Variants in DPRX observed in about 807,000 individuals in gnomAD.
DPRX encodes the protein divergent paired-related homeobox.
In DPRX, 11 loss-of-function variants were observed where a neutral mutation model predicts 8.4. That is an observed-to-expected ratio of 1.31 (90% CI 0.82 to 2.17). DPRX has a LOEUF of 2.17. Ranked by LOEUF, DPRX falls within the 30% of genes most tolerant of loss-of-function variation. The pLI is 0.00. For synonymous variants in DPRX, 72 were observed against 87.0 expected, an observed-to-expected ratio of 0.83 and a Z score of 0.96; for missense variants, 211 against 236.7, an observed-to-expected ratio of 0.89 and a Z score of 0.71.
At chr19:53,611,488 C>T in the DPRX span, among the ~76,000 whole-genome samples, 3 of 152,082 alleles carry the variant, frequency 2.0e-5, no homozygotes, top group Non-Finnish European at 4.4e-5. Flanking sequence ...CCGCCTCAGC[C>T]TCCCAAAGTT....
the DPRX span, among the ~76,000 whole-genome samples, chr19:53,616,015 C>G: frequency 5.3e-5 from 8 of 151,738 alleles, no homozygotes; most frequent in African/African-American, 1.4e-4. Context: ...CACTTTGGGA[C>G]GCCGAGGCGG....
chr19:53,616,760 A>G, the DPRX span: 6 of 1,490,178 alleles, frequency 4.0e-6, no homozygotes, highest in East Asian at 2.3e-5. Flanking sequence ...GTCTCAAAAA[A>G]TAAGAAAAAA....
At chr19:53,603,330 G>T in the DPRX span, 1 of 455,716 alleles carries the variant, frequency 2.2e-6, no homozygotes, top group Non-Finnish European at 4.4e-6. Flanking sequence ...AAAACACCCC[G>T]CGGAGAAACG....
the DPRX span, among the ~76,000 whole-genome samples, chr19:53,626,759 C>T: frequency 6.6e-6 from 1 of 152,098 alleles, no homozygotes; most frequent in South Asian, 2.1e-4. Context: ...GGTGCAGTGG[C>T]GTCATCTTGG....
chr19:53,626,419 T>A, the DPRX span, among the ~76,000 whole-genome samples: 1 of 152,164 alleles, frequency 6.6e-6, no homozygotes, highest in East Asian at 1.9e-4. Context: ...TAATTAGCTG[T>A]GCATGGTGGC....
At chr19:53,607,252 C>A in the DPRX span, among the ~76,000 whole-genome samples, 1 of 152,158 alleles carries the variant, frequency 6.6e-6, no homozygotes, top group South Asian at 2.1e-4. Flanking sequence ...CCAGGCCCCA[C>A]TCCTGTGTCC....
the DPRX span, among the ~76,000 whole-genome samples, chr19:53,610,813 C>T: frequency 6.6e-6 from 1 of 152,134 alleles, no homozygotes; most frequent in Admixed American, 6.6e-5. Flanking sequence ...TCTTCTTCTT[C>T]CAATGTGGCC....
At chr19:53,614,224 A>G in the DPRX span, among the ~76,000 whole-genome samples, 1 of 152,164 alleles carries the variant, frequency 6.6e-6, no homozygotes, top group Non-Finnish European at 1.5e-5. Flanking sequence ...TGCTGGGATT[A>G]CAGGCGTGAG....
At chr19:53,613,150 C>A in the DPRX span, among the ~76,000 whole-genome samples, 4 of 152,080 alleles carry the variant, frequency 2.6e-5, no homozygotes, top group African/African-American at 9.7e-5. Flanking sequence ...GAAGAAACTT[C>A]CGCTTCTGAA....
the DPRX span, among the ~76,000 whole-genome samples, chr19:53,621,293 C>T: frequency 2.6e-5 from 4 of 151,878 alleles, no homozygotes; most frequent in Non-Finnish European, 5.9e-5. Context: ...CCACAGTGCC[C>T]GGCTAATTTT....
chr19:53,602,098 G>A, the DPRX span: 1 of 456,572 alleles, frequency 2.2e-6, no homozygotes, highest in African/African-American at 2.0e-5. Flanking sequence ...ATGTAGATCA[G>A]CTCTCCAGAG....
the DPRX span, chr19:53,602,281 T>TGTGTGTG: frequency 3.7e-6 from 1 of 270,018 alleles, no homozygotes; most frequent in South Asian, 3.0e-5. Context: ...TGTGTGTGTG[T>TGTGTGTG]GTGTGTGTGT....
the DPRX span, among the ~76,000 whole-genome samples, chr19:53,616,323 C>A: frequency 1.3e-5 from 2 of 152,148 alleles, no homozygotes; most frequent in African/African-American, 4.8e-5. Flanking sequence ...TGAAGCTCTT[C>A]TGTAAACTTC....
the DPRX span, among the ~76,000 whole-genome samples, chr19:53,622,476 G>C: frequency 6.6e-6 from 1 of 152,122 alleles, no homozygotes; most frequent in Non-Finnish European, 1.5e-5. Flanking sequence ...GTCTTATTAA[G>C]AGTCTGATTC....
chr19:53,611,277 T>A, the DPRX span, among the ~76,000 whole-genome samples: 6 of 151,784 alleles, frequency 4.0e-5, no homozygotes, highest in South Asian at 1.0e-3. Flanking sequence ...TTTTTTTAAA[T>A]TTTTTTTTGA....
chr19:53,633,023 C>A (rs915613219), intron 1 of DPRX, among the ~76,000 whole-genome samples: 1 of 151,668 alleles, frequency 6.6e-6, no homozygotes, highest in Non-Finnish European at 1.5e-5. Flanking sequence ...GCGAGGCATG[C>A]GGTGGCTCAT....
At chr19:53,610,956 G>A in the DPRX span, among the ~76,000 whole-genome samples, 1 of 152,124 alleles carries the variant, frequency 6.6e-6, no homozygotes. Context: ...AGGCTGGAGT[G>A]CAGTGGGACC....
chr19:53,634,537 A>G, exon 2 of DPRX: 1 of 1,612,832 alleles, frequency 6.2e-7, no homozygotes, highest in Admixed American at 1.7e-5. Context: ...CAAGGCAAGG[A>G]CCAGATGCAT....
chr19:53,635,684 A>G (rs1024588367), intron 2 of DPRX, among the ~76,000 whole-genome samples: 4 of 152,210 alleles, frequency 2.6e-5, no homozygotes, highest in Admixed American at 2.0e-4. Flanking sequence ...CCTGGCCAGT[A>G]GTATTCTTTT....
Sources: gnomAD v4.1 joint callset for allele counts (sites outside exome capture counted in the v4.1 genomes callset) on GRCh38, gnomAD v4.1.1 for gene constraint, MANE v1.5 for transcripts, NCBI Gene and HGNC (gene_info 2026-07-23, HGNC 2026-07-21) for gene names.